PGM5: variants seen among roughly 807,000 people sequenced by gnomAD.
PGM5 encodes phosphoglucomutase-like protein 5.
Under a neutral mutation model 59.2 loss-of-function variants are expected in PGM5, and 23 were observed. The observed-to-expected ratio is 0.39, with a 90% CI of 0.28 to 0.55. The LOEUF is 0.55. Among genes scored for constraint, PGM5 ranks in the 20% least tolerant of loss-of-function variants. The probability of loss-of-function intolerance (pLI) is 0.66; values close to 1 mark genes in which losing one functional copy is unlikely to be tolerated. For missense variants in PGM5, 574 were observed against 748.3 expected (o/e 0.77, Z 2.72); for synonymous variants, 214 against 286.0 (o/e 0.75, Z 2.54).
chr9:68,504,994 T>C (rs1044495291), intron 10 of PGM5, among the ~76,000 whole-genome samples: 1 of 152,182 alleles, frequency 6.6e-6, no homozygotes, highest in Non-Finnish European at 1.5e-5. Flanking sequence ...ATAAAATAAA[T>C]GCCATTTTTA....
At chr9:68,491,186 A>G (rs1302582541) in intron 9 of PGM5, among the ~76,000 whole-genome samples, 1 of 152,236 alleles carries the variant, frequency 6.6e-6, no homozygotes, top group African/African-American at 2.4e-5. Flanking sequence ...CTAGCAGGGA[A>G]GATAAATTGA....
intron 9 of PGM5, 57 bp from the exon 10 acceptor site, chr9:68,499,170 A>G (rs1183657639): frequency 1.9e-6 from 3 of 1,584,650 alleles, no homozygotes; most frequent in African/African-American, 2.7e-5. Context: ...GGTATTAATG[A>G]TTATTACTTG....
At chr9:68,390,351 T>G (rs2260644) in intron 4 of PGM5, among the ~76,000 whole-genome samples, 11 of 152,196 alleles carry the variant, frequency 7.2e-5, no homozygotes, top group Admixed American at 1.3e-4. Flanking sequence ...CTGGTTTATA[T>G]TGTATGTCCA....
intron 6 of PGM5, among the ~76,000 whole-genome samples, chr9:68,412,707 T>C (rs1427642164): frequency 5.3e-5 from 8 of 152,240 alleles, no homozygotes; most frequent in Admixed American, 4.6e-4. Flanking sequence ...AAATTATATT[T>C]CCTCTAATTG....
chr9:68,419,040 A>C (rs1554682189), intron 6 of PGM5, among the ~76,000 whole-genome samples: 2 of 152,204 alleles, frequency 1.3e-5, no homozygotes, highest in African/African-American at 2.4e-5. Context: ...CCCTGCCCCA[A>C]AGTATAGGTG....
chr9:68,410,972 C>T (rs1226446306), intron 6 of PGM5, among the ~76,000 whole-genome samples: 8 of 152,162 alleles, frequency 5.3e-5, no homozygotes, highest in African/African-American at 1.9e-4. Flanking sequence ...ATGAGATTTC[C>T]TCATGGAAAG....
intron 10 of PGM5, among the ~76,000 whole-genome samples, chr9:68,519,741 A>G (rs1824871066): frequency 6.6e-6 from 1 of 151,730 alleles, no homozygotes; most frequent in African/African-American, 2.4e-5. Context: ...ACTGGTTATT[A>G]CTTTAAATAT....
intron 10 of PGM5, among the ~76,000 whole-genome samples, chr9:68,501,102 A>G (rs1824566700): frequency 6.6e-6 from 1 of 152,186 alleles, no homozygotes; most frequent in Admixed American, 6.5e-5. Context: ...GTTGGTGGAA[A>G]GAATTTGCCA....
intron 10 of PGM5, among the ~76,000 whole-genome samples, chr9:68,512,664 C>T (rs1824767977): frequency 6.6e-6 from 1 of 152,190 alleles, no homozygotes; most frequent in Non-Finnish European, 1.5e-5. Flanking sequence ...TTAGACCTCA[C>T]CCTAATGATC....
chr9:68,465,082 T>C lies in PGM5; in HGVS notation c.1044-11T>C. The C allele has an allele frequency of 1.3e-6, 2 of 1,547,026 alleles. No homozygotes were observed. Among genetic ancestry groups the C allele is most frequent in the Non-Finnish European group, 1.8e-6 (2 of 1,123,610 alleles). ...TATATGAATTGACTTTTCTCAAATT[T>C]CATTTTTCAGAGTGGCCAAATCAAT... is the stretch of plus-strand genomic sequence containing the variant. On this transcript the variant is annotated splice_polypyrimidine_tract_variant and intron_variant, in intron 6 of 10. Transcript: ENST00000396396.
At chr9:68,388,743 T>C (rs1392146530) in intron 4 of PGM5, among the ~76,000 whole-genome samples, 3 of 152,184 alleles carry the variant, frequency 2.0e-5, no homozygotes, top group African/African-American at 7.2e-5. Flanking sequence ...GGCATTGCTC[T>C]ACTGTGTTAT....
chr9:68,447,232 A>T (rs953987659), intron 6 of PGM5, among the ~76,000 whole-genome samples: 3 of 152,164 alleles, frequency 2.0e-5, no homozygotes, highest in Admixed American at 1.3e-4. Context: ...CTAAAATCCC[A>T]TCTCACCACT....
At chr9:68,401,800 A>G (rs7040566) in intron 6 of PGM5, among the ~76,000 whole-genome samples, 2 of 152,176 alleles carry the variant, frequency 1.3e-5, no homozygotes. Context: ...CCCATTGATT[A>G]CTGCAAAGAG....
At chr9:68,373,646 C>T (rs4014850) in intron 1 of PGM5, among the ~76,000 whole-genome samples, 2 of 150,820 alleles carry the variant, frequency 1.3e-5, no homozygotes, top group African/African-American at 4.9e-5. Context: ...ATTAAACTGT[C>T]GTTTATGTTT....
chr9:68,456,396 C>T lies in PGM5; in HGVS notation c.1044-8697C>T, dbSNP rs140168271. Among the ~76,000 whole-genome samples the T allele has an allele frequency of 6.1e-3, 930 of 151,810 alleles. 7 individuals are homozygous for T. The highest frequency in any genetic ancestry group is 0.01 in the Non-Finnish European group (708 of 67,924). On this transcript the variant is annotated intron_variant, in intron 6 of 10. Transcript: ENST00000396396. ...CGAGATCTTGGCTCACTGCAATCTC[C>T]GCCTCCCAGGTTCACACCATTCTCC...
intron 10 of PGM5, among the ~76,000 whole-genome samples, chr9:68,509,841 G>A (rs1554689249): frequency 6.6e-6 from 1 of 152,180 alleles, no homozygotes; most frequent in Non-Finnish European, 1.5e-5. Context: ...TGAGAGCCCT[G>A]TGAGGGTCTG....
chr9:68,483,970 G>C lies in PGM5; in HGVS notation c.1401G>C (p.Gly467=), dbSNP rs781993879. 1 of 1,614,084 alleles carries C rather than the reference G, an allele frequency of 6.2e-7. No homozygotes were observed. The highest frequency in any genetic ancestry group is 8.5e-7 in the Non-Finnish European group (1 of 1,179,960). ...KSFIGQQFAV[G]SHVYSVAKTD... is the part of the protein sequence containing the mutation. ...TCATTGGCCAGCAGTTTGCTGTGGG[G>C]AGCCATGTCTACAGCGTGGCGAAGA... is the stretch of plus-strand genomic sequence containing the variant. The change falls in exon 9 of 11, where the codon GGG becomes GGC. Residue 467 remains glycine (G), a synonymous_variant. Coordinates refer to ENST00000396396, the MANE Select transcript of PGM5 (RefSeq NM_021965.4).
At chr9:68,463,119 T>G (rs1287839029) in intron 6 of PGM5, among the ~76,000 whole-genome samples, 2 of 151,764 alleles carry the variant, frequency 1.3e-5, no homozygotes, top group Non-Finnish European at 2.9e-5. Flanking sequence ...CTGAGCACAT[T>G]CATTGTATTT....
chr9:68,412,826 T>C lies in PGM5; in HGVS notation c.1043+20353T>C, dbSNP rs2258344. 4.4e-3 allele frequency among the ~76,000 whole-genome samples: 668 copies of C among 152,334 alleles called. 3 individuals carry two copies. Among genetic ancestry groups the C allele is most frequent in the African/African-American group, 0.015 (623 of 41,572 alleles). On this transcript the variant is annotated intron_variant, in intron 6 of 10. Coordinates refer to ENST00000396396, the MANE Select transcript of PGM5 (RefSeq NM_021965.4). ...AGTATTCCAGAGCATGTTAATTGTT[T>C]AGAGATAATGGACCTAATAAATAGA... is the stretch of plus-strand genomic sequence containing the variant.
Sources: gnomAD v4.1 joint callset for allele counts (sites outside exome capture counted in the v4.1 genomes callset) on GRCh38, gnomAD v4.1.1 for gene constraint, MANE v1.5 for transcripts, NCBI Gene and HGNC (gene_info 2026-07-23, HGNC 2026-07-21) for gene names.